Variants in MST1R observed in about 807,000 individuals in gnomAD.
MST1R encodes the protein macrophage stimulating 1 receptor.
MST1R carries 99 observed loss-of-function variants against 117.8 expected under a neutral mutation model. That is an observed-to-expected ratio of 0.84 (90% CI 0.71 to 0.99). The LOEUF (loss-of-function observed/expected upper bound fraction) is 0.99, where lower values mean the gene tolerates loss of function less well. Among genes scored for constraint, MST1R ranks in the 50% least tolerant of loss-of-function variants. The probability of loss-of-function intolerance (pLI) is 0.00; values close to 1 mark genes in which losing one functional copy is unlikely to be tolerated. For missense variants in MST1R, 1,683 were observed against 1,840.2 expected, an observed-to-expected ratio of 0.91 and a Z score of 1.56; for synonymous variants, 734 against 765.3, an observed-to-expected ratio of 0.96 and a Z score of 0.68.
At chr3:49,900,059 C>G (rs1287321503) in intron 1 of MST1R, among the ~76,000 whole-genome samples, 9 of 152,302 alleles carry the variant, frequency 5.9e-5, no homozygotes, top group Admixed American at 2.6e-4. Context: ...CTCTGGGCTT[C>G]GGTTTCCCCA....
In MST1R at chr3:49,897,366, G is replaced by A. The variant is rs2082513130; in HGVS notation, c.2097C>T (p.Gly699=). ...VQPLFGPRAG[G]TCLTLEGQSL... is the part of the protein sequence containing the mutation. ...TCTGGCCTTCAAGAGTGAGACAGGT[G>A]CCTCCTGCCCGTGGGCCAAAGAGGG... The change falls in exon 7 of 20, where the codon GGC becomes GGT. Residue 699 remains glycine, a synonymous_variant. Transcript: ENST00000296474. The A allele has an allele frequency of 6.2e-7, 1 of 1,614,004 alleles. No individual in the cohort carries two copies. Among genetic ancestry groups the A allele is most frequent in the African/African-American group, 1.3e-5 (1 of 75,068 alleles).
At position 49,902,644 on chromosome 3, in the gene MST1R, C is replaced by T. The variant is rs2082720784; in HGVS notation, c.966G>A (p.Arg322=). The change falls in exon 1 of 20, where the codon CGG becomes CGA. Residue 322 remains arginine (R), a synonymous_variant. Coordinates refer to ENST00000296474, the MANE Select transcript of MST1R (RefSeq NM_002447.4). ...CACCCACTGGAGCGGAGTGGGCCAC[C>T]CGCAGCACAGGGTAGGGCTGTCCGC... ...PEGGQPYPVL[R]VAHSAPVGAQ... is the part of the protein sequence containing the mutation. 2 of 1,613,498 alleles carry T rather than the reference C, an allele frequency of 1.2e-6. No homozygotes were observed. Among genetic ancestry groups the T allele is most frequent in the South Asian group, 2.2e-5 (2 of 91,088 alleles).
Position 49,903,533 on chromosome 3 carries a change from T to G in MST1R, c.77A>C (p.Asp26Ala), listed in dbSNP as rs1457494651. The change falls in exon 1 of 20, where the codon GAC (aspartate) becomes GCC (alanine). Residue 26 changes from aspartate (D) to alanine (A), a missense_variant. Asp to Ala is a moderately radical substitution (Grantham distance 126). Coordinates refer to ENST00000296474, the MANE Select transcript of MST1R (RefSeq NM_002447.4). The part of the protein sequence containing the change: ...LLPAKPAAGE[D>A]WQCPRTPYAA... ...GTAGGGGGTGCGCGGGCACTGCCAGTCCTCGCCCGCCGCGGGCTTGGCAGG... is the reference window on the plus strand; with the variant it reads ...GTAGGGGGTGCGCGGGCACTGCCAGGCCTCGCCCGCCGCGGGCTTGGCAGG... 20 of 1,603,402 alleles carry G rather than the reference T, an allele frequency of 1.2e-5. No homozygotes were observed. The highest frequency in any genetic ancestry group is 1.6e-5 in the Non-Finnish European group (19 of 1,178,396).
rs571968009 is a variant in MST1R, at chr3:49,898,297, C to T, written c.1720-86G>A. The T allele has an allele frequency of 2.6e-5, 41 of 1,552,942 alleles. No homozygotes were observed. In the African/African-American group the frequency reaches 5.0e-4, roughly 19 times the overall value. On this transcript the variant is annotated intron_variant, in intron 4 of 19. Coordinates refer to ENST00000296474, the MANE Select transcript of MST1R (RefSeq NM_002447.4). ...CTTCCCCAAAGTCTCCTGCCATACC[C>T]CTTGCCTTCCCCACGCTCCAGCCAT...
chr3:49,889,194 A>T (rs2082243343), intron 19 of MST1R, among the ~76,000 whole-genome samples: 1 of 152,138 alleles, frequency 6.6e-6, no homozygotes, highest in Admixed American at 6.5e-5. Flanking sequence ...CCTCTCAGTA[A>T]ATCCCCGTAC....
chr3:49,896,155 C>T (rs909209704), intron 10 of MST1R, 40 bp downstream of exon 10: 1 of 1,614,074 alleles, frequency 6.2e-7, no homozygotes, highest in Non-Finnish European at 8.5e-7. Flanking sequence ...CCCCTACTTT[C>T]AGATCCCCAA....
chr3:49,903,158 T>C lies in MST1R; in HGVS notation c.452A>G (p.Gln151Arg), dbSNP rs1399147552. The change falls in exon 1 of 20, where the codon CAA (glutamine) becomes CGA (arginine). Residue 151 changes from glutamine (Q) to arginine (R), a missense_variant. Transcript: ENST00000296474. The stretch of plus-strand genomic sequence containing the variant: ...CGCTGCCAGATGCACGGCTGTCCCT[T>C]GGGGCTCTAGGTCATGCAGGAAGCA... ...GRCFLHDLEPQGTAVHLAAPA... is the reference protein window; with the variant it reads ...GRCFLHDLEPRGTAVHLAAPA... 3.7e-6 allele frequency: 6 copies of C among 1,604,674 alleles called. No individual in the cohort carries two copies. Among genetic ancestry groups the C allele is most frequent in the Middle Eastern group, 1.6e-4 (1 of 6,062 alleles).
intron 19 of MST1R, 88 bp from the exon 20 acceptor site, chr3:49,887,650 C>T: frequency 1.4e-6 from 2 of 1,464,868 alleles, no homozygotes; most frequent in Non-Finnish European, 1.9e-6. Context: ...TGGCAGGCCA[C>T]ACAGGGATGA....
In MST1R at chr3:49,891,508, T is replaced by C; in HGVS notation, c.3425A>G (p.Asn1142Ser). 6.2e-7 allele frequency: 1 copy of C among 1,614,004 alleles called. No individual in the cohort carries two copies. Among genetic ancestry groups the C allele is most frequent in the Non-Finnish European group, 8.5e-7 (1 of 1,180,040 alleles). ...CATGATACCAATGAGAGCCAGCACA[T>C]TCGGGTGGTTCAGGCCACGCATGAG... ...GLLMRGLNHP[N>S]VLALIGIMLP... Residue 1142 changes from asparagine (N) to serine (S), a missense_variant, in exon 16 of 20, where the codon AAT (asparagine) becomes AGT (serine). By Grantham distance (46) the Asn-to-Ser change is conservative (BLOSUM62 1). Transcript: ENST00000296474.
intron 10 of MST1R, 34 bp from the exon 11 acceptor site, chr3:49,896,141 C>G (rs2108442385): frequency 6.2e-7 from 1 of 1,614,198 alleles, no homozygotes; most frequent in South Asian, 1.1e-5. Flanking sequence ...AGCCAGTAGG[C>G]TGGCCCCTAC....
Position 49,891,227 on chromosome 3 carries a change from A to C in MST1R, c.3614T>G (p.Val1205Gly), listed in dbSNP as rs1421413781. 1.9e-6 allele frequency: 3 copies of C among 1,614,000 alleles called. No homozygotes were observed. Among genetic ancestry groups the C allele is most frequent in the Non-Finnish European group, 1.7e-6 (2 of 1,180,032 alleles). The change falls in exon 17 of 20, where the codon GTG (valine) becomes GGG (glycine). Residue 1205 changes from valine to glycine, a missense_variant. By Grantham distance (109) the Val-to-Gly change is moderately radical (BLOSUM62 -3). Coordinates refer to ENST00000296474, the MANE Select transcript of MST1R (RefSeq NM_002447.4). ...GMEYLAEQKF[V>G]HRDLAARNCM... The stretch of plus-strand genomic sequence containing the variant: ...GTTCCGCGCAGCCAGGTCCCTGTGC[A>C]CAAACTTCTGCTCTGCCAGGTACTC...
Position 49,895,533 on chromosome 3 carries a change from A to T in MST1R, c.2978T>A (p.Leu993Gln), listed in dbSNP as rs376288179. The change falls in exon 13 of 20, where the codon CTG becomes CAG. Residue 993 changes from leucine to glutamine, a missense_variant. Coordinates refer to ENST00000296474, the MANE Select transcript of MST1R (RefSeq NM_002447.4). ...RRKQLVLPPNLNDLASLDQTA... is the reference protein window; with the variant it reads ...RRKQLVLPPNQNDLASLDQTA... The stretch of plus-strand genomic sequence containing the variant: ...CTGGTCCAGGGATGCCAGGTCATTC[A>T]GGTTGGGAGGAAGAACTGTGGAAAG... The T allele has an allele frequency of 1.9e-6, 3 of 1,614,030 alleles. No homozygotes were observed. The African/African-American group carries it at 4.0e-5, about 22-fold the overall frequency.
Position 49,902,679 on chromosome 3 carries a change from C to T in MST1R, c.931G>A (p.Ala311Thr), listed in dbSNP as rs201805638. 1.2e-4 allele frequency: 196 copies of T among 1,612,838 alleles called. No homozygotes were observed. Among genetic ancestry groups the T allele is most frequent in the Non-Finnish European group, 1.6e-4 (185 of 1,179,592 alleles). Residue 311 changes from alanine (A) to threonine (T), a missense_variant, in exon 1 of 20, where the codon GCC becomes ACC. Coordinates refer to ENST00000296474, the MANE Select transcript of MST1R (RefSeq NM_002447.4). The stretch of plus-strand genomic sequence containing the variant: ...GGGTAGGGCTGTCCGCCTTCTGGGG[C>T]CCCCCGGCGCCTGCGTTTTGGAGCA... ...RFAPKRRRRGAPEGGQPYPVL... is the reference protein window; with the variant it reads ...RFAPKRRRRGTPEGGQPYPVL...
chr3:49,890,072 G>T lies in MST1R; in HGVS notation c.3811-12C>A. ...ACACCAAATGACCACTGTGGAAAGG[G>T]GGAGGTGAGGGGACTCAACTCACCC... On this transcript the variant is annotated splice_polypyrimidine_tract_variant and intron_variant, in intron 18 of 19. Coordinates refer to ENST00000296474, the MANE Select transcript of MST1R (RefSeq NM_002447.4). 6.3e-7 allele frequency: 1 copy of T among 1,581,062 alleles called. No individual in the cohort carries two copies. The highest frequency in any genetic ancestry group is 8.6e-7 in the Non-Finnish European group (1 of 1,163,396).
chr3:49,901,943 G>A lies in MST1R; in HGVS notation c.1230+437C>T, dbSNP rs1478201676. 2.7e-5 allele frequency among the ~76,000 whole-genome samples: 4 copies of A among 150,528 alleles called. No individual in the cohort carries two copies. The South Asian group carries it at 8.4e-4, about 32-fold the overall frequency. On this transcript the variant is annotated intron_variant, in intron 1 of 19. Transcript: ENST00000296474. Reference sequence around the variant, plus strand: ...TGTGCGTGGTGGTGGTGGTGGTGGCGGGGGTGGGGGAGGGGAGGGGGGAGT... The same window carrying A: ...TGTGCGTGGTGGTGGTGGTGGTGGCAGGGGTGGGGGAGGGGAGGGGGGAGT...
At chr3:49,894,386 G>C (rs535681838) in intron 14 of MST1R, among the ~76,000 whole-genome samples, 1 of 151,814 alleles carries the variant, frequency 6.6e-6, no homozygotes, top group Admixed American at 6.6e-5. Context: ...AACATGATTC[G>C]AGGCCCATCT....
rs751575573 is a variant in MST1R, at chr3:49,896,365, G to A, written c.2479C>T (p.Pro827Ser). The stretch of plus-strand genomic sequence containing the variant: ...TGGGGGTCTCGGACCACATATTCAG[G>A]AAGGCGGCACAGCTGCTGCTCTGGA... ...QLPEQQLCRL[P>S]EYVVRDPQGW... is the part of the protein sequence containing the mutation. Residue 827 changes from proline (P) to serine (S), a missense_variant, in exon 10 of 20, where the codon CCT becomes TCT. Transcript: ENST00000296474. 2 of 1,613,972 alleles carry A rather than the reference G, an allele frequency of 1.2e-6. No homozygotes were observed. The highest frequency in any genetic ancestry group is 1.7e-6 in the Non-Finnish European group (2 of 1,180,002).
chr3:49,897,257 C>T, intron 7 of MST1R, 23 bp downstream of exon 7: 1 of 1,584,680 alleles, frequency 6.3e-7, no homozygotes, highest in Non-Finnish European at 8.6e-7. Context: ...TGCGGCCTCC[C>T]ATGCCTGCCT....
rs1479863315 is a variant in MST1R at position 49,903,569 on chromosome 3, A to T, written c.41T>A (p.Leu14Gln). The T allele has an allele frequency of 6.3e-7, 1 of 1,587,348 alleles. No homozygotes were observed. Among genetic ancestry groups the T allele is most frequent in the Middle Eastern group, 1.7e-4 (1 of 5,994 alleles). The change falls in exon 1 of 20, where the codon CTG (leucine) becomes CAG (glutamine). Residue 14 changes from leucine (L) to glutamine (Q), a missense_variant. By Grantham distance (113) the Leu-to-Gln change is moderately radical. Transcript: ENST00000296474. ...LPPLPQSFLLLLLLPAKPAAG... is the reference protein window; with the variant it reads ...LPPLPQSFLLQLLLPAKPAAG... ...CGCGGGCTTGGCAGGCAACAGCAGC[A>T]GCAACAGGAAGGACTGAGGCAGCGG...
Sources: gnomAD v4.1 joint callset for allele counts (sites outside exome capture counted in the v4.1 genomes callset) on GRCh38, gnomAD v4.1.1 for gene constraint, MANE v1.5 for transcripts, NCBI Gene and HGNC (gene_info 2026-07-23, HGNC 2026-07-21) for gene names.